Variants in SPAG9 observed in about 807,000 individuals in gnomAD.
SPAG9 encodes the protein sperm associated antigen 9, also known as C-Jun-amino-terminal kinase-interacting protein 4.
A neutral mutation model predicts 166.5 loss-of-function variants in SPAG9; 35 were observed. That is an observed-to-expected ratio of 0.21 (90% confidence interval 0.16 to 0.28). The LOEUF is 0.28. SPAG9 is among the 10% of genes least tolerant of loss of function. The probability of loss-of-function intolerance (pLI) is 1.00; values close to 1 mark genes in which losing one functional copy is unlikely to be tolerated. For missense variants in SPAG9, 1,235 were observed against 1,603.3 expected, an observed-to-expected ratio of 0.77 and a Z score of 3.92; for synonymous variants, 534 against 565.5, an observed-to-expected ratio of 0.94 and a Z score of 0.79.
At chr17:51,053,852 A>ATATATATATAT (rs1276804629) in intron 3 of SPAG9, among the ~76,000 whole-genome samples, 3 of 49,326 alleles carry the variant, frequency 6.1e-5, no homozygotes, top group African/African-American at 1.1e-4. Flanking sequence ...AAAAAAAAAA[A>ATATATATATAT]AAGTATATAT....
intron 1 of SPAG9, among the ~76,000 whole-genome samples, chr17:51,111,855 G>A (rs1025628303): frequency 4.6e-5 from 7 of 151,972 alleles, no homozygotes; most frequent in African/African-American, 1.2e-4. Context: ...CCACCACCTC[G>A]GCCTCCCAAA....
chr17:50,966,181 A>G lies in SPAG9; in HGVS notation c.*91T>C. 1.2e-6 allele frequency: 1 copy of G among 826,278 alleles called. No homozygotes were observed. The highest frequency in any genetic ancestry group is 2.1e-6 in the Non-Finnish European group (1 of 475,096). 51.2% of individuals were successfully genotyped at this position (826,278 alleles called of 1,614,324 possible). The stretch of plus-strand genomic sequence containing the variant: ...GCTCACACATTATGTGGTGAAACTT[A>G]TCTCACAAAAGAGCATTAAATAAAA... On this transcript the variant is annotated 3_prime_UTR_variant, in exon 30 of 30. Transcript: ENST00000262013.
rs2045885601 is a variant in SPAG9, at chr17:51,020,173, T to C, written c.1077A>G (p.Gly359=). The change falls in exon 8 of 30, where the codon GGA becomes GGG. Residue 359 remains glycine, a synonymous_variant. Coordinates refer to ENST00000262013, the MANE Select transcript of SPAG9 (RefSeq NM_001130528.3). ...ATTTATGTTACCTTGAACCTTTATATCCACTGAGATCTTTGTCCATATCCA... is the reference window on the plus strand; with the variant it reads ...ATTTATGTTACCTTGAACCTTTATACCCACTGAGATCTTTGTCCATATCCA... ...PELDMDKDLS[G]YKGSSTPTKG... The C allele has an allele frequency of 1.9e-6, 3 of 1,608,054 alleles. No homozygotes were observed. The highest frequency in any genetic ancestry group is 1.7e-5 in the Admixed American group (1 of 59,986).
In SPAG9 at chr17:51,027,565, T is replaced by C. The variant is rs541925401; in HGVS notation, c.783+4116A>G. Among the ~76,000 whole-genome samples, 33 of 152,318 alleles carry C rather than the reference T, an allele frequency of 2.2e-4. No homozygotes were observed. In the South Asian group the frequency reaches 6.6e-3, roughly 31 times the overall value. On this transcript the variant is annotated intron_variant, in intron 6 of 29. Coordinates refer to ENST00000262013, the MANE Select transcript of SPAG9 (RefSeq NM_001130528.3). ...ACATTTTGGTCAATAATAGACAGCA[T>C]ACAGCATATATAGTGGTGGTCCCAT...
At chr17:51,067,129 T>C (rs2047695419) in intron 2 of SPAG9, among the ~76,000 whole-genome samples, 1 of 152,158 alleles carries the variant, frequency 6.6e-6, no homozygotes, top group Non-Finnish European at 1.5e-5. Context: ...GATCATATAA[T>C]ACATAGAAAA....
rs71149342 is a variant in SPAG9 at position 51,089,663 on chromosome 17, T to TAC, written c.304-9961_304-9960dup. ...ATATATATATATATATATATATATA[T>TAC]ACACATACACACACACACTTTCTTT... is the stretch of plus-strand genomic sequence containing the variant. On this transcript the variant is annotated intron_variant, in intron 1 of 29. Coordinates refer to ENST00000262013, the MANE Select transcript of SPAG9 (RefSeq NM_001130528.3). Among the ~76,000 whole-genome samples, 149 of 78,268 alleles carry TAC rather than the reference T, an allele frequency of 1.9e-3. 1 individual carries two copies. The highest frequency in any genetic ancestry group is 3.1e-3 in the African/African-American group (71 of 22,604). 51.3% of individuals were successfully genotyped at this position (78,268 alleles called of 152,430 possible). A position where few individuals can be genotyped will look rare whatever the true frequency, so the allele number is the denominator to read the frequency against.
chr17:51,116,800 A>C (rs561128111), intron 1 of SPAG9, among the ~76,000 whole-genome samples: 1 of 152,364 alleles, frequency 6.6e-6, no homozygotes, highest in East Asian at 1.9e-4. Context: ...TTTTAAAATA[A>C]ATTATTCAAT....
intron 26 of SPAG9, among the ~76,000 whole-genome samples, chr17:50,977,671 C>T: frequency 6.6e-6 from 1 of 152,160 alleles, no homozygotes. Context: ...GGGATGACTG[C>T]TTGATCCCAG....
chr17:51,023,228 T>G (rs2046012700), intron 6 of SPAG9: 3 of 147,924 alleles, frequency 2.0e-5, no homozygotes, highest in African/African-American at 7.3e-5. Context: ...ATTATATATT[T>G]TTATAATTTA....
intron 19 of SPAG9, among the ~76,000 whole-genome samples, chr17:50,991,861 T>C (rs1252902951): frequency 6.7e-6 from 1 of 149,580 alleles, no homozygotes; most frequent in African/African-American, 2.5e-5. Context: ...TGACCTCAGG[T>C]GATCCGCCCA....
At chr17:51,089,602 A>G (rs1384975647) in intron 1 of SPAG9, among the ~76,000 whole-genome samples, 1 of 130,140 alleles carries the variant, frequency 7.7e-6, no homozygotes, top group Non-Finnish European at 1.6e-5. Context: ...TATTATATGT[A>G]TATATATACA....
intron 3 of SPAG9, among the ~76,000 whole-genome samples, chr17:51,050,896 C>T (rs2047160491): frequency 6.7e-6 from 1 of 150,276 alleles, no homozygotes; most frequent in Non-Finnish European, 1.5e-5. Flanking sequence ...TTAATTCACA[C>T]ATTCAGGAGT....
At chr17:51,017,519 T>TGAGA (rs60839678) in intron 8 of SPAG9, among the ~76,000 whole-genome samples, 417 of 147,460 alleles carry the variant, frequency 2.8e-3, no homozygotes, top group South Asian at 7.4e-3. Flanking sequence ...AGAACCTGTC[T>TGAGA]GAGAGAGAGA....
chr17:51,052,340 T>A (rs994283039), intron 3 of SPAG9, among the ~76,000 whole-genome samples: 2 of 152,154 alleles, frequency 1.3e-5, no homozygotes, highest in African/African-American at 4.8e-5. Context: ...AGAACAGATG[T>A]ATAAACAGAA....
rs554805169 is a variant in SPAG9 at position 50,978,760 on chromosome 17, G to C, written c.3409+986C>G. Among the ~76,000 whole-genome samples the C allele has an allele frequency of 2.0e-4, 31 of 152,280 alleles. 1 individual carries two copies. The South Asian group carries it at 5.2e-3, about 25-fold the overall frequency. On this transcript the variant is annotated intron_variant, in intron 26 of 29. Coordinates refer to ENST00000262013, the MANE Select transcript of SPAG9 (RefSeq NM_001130528.3). ...CATGTGAGGACCCTGAAATGGGAAGGAGCTTGCTGAGCTGTGGGTCGGTAT... is the reference window on the plus strand; with the variant it reads ...CATGTGAGGACCCTGAAATGGGAAGCAGCTTGCTGAGCTGTGGGTCGGTAT...
intron 2 of SPAG9, among the ~76,000 whole-genome samples, chr17:51,064,863 T>C (rs1042384858): frequency 2.0e-5 from 3 of 152,198 alleles, no homozygotes; most frequent in Non-Finnish European, 2.9e-5. Context: ...GGCTCAGGCC[T>C]GTAATCCCAG....
chr17:50,973,311 G>A (rs56041952), intron 28 of SPAG9, among the ~76,000 whole-genome samples: 10,346 of 152,240 alleles, frequency 0.068, 382 homozygotes, highest in Non-Finnish European at 0.086. Context: ...AGAGGAAAAG[G>A]AGAGGAGAAT....
chr17:51,037,683 ATAGTGT>A (rs1490272982), intron 5 of SPAG9, among the ~76,000 whole-genome samples: 65 of 101,878 alleles, frequency 6.4e-4, no homozygotes, highest in South Asian at 1.2e-3. Context: ...ATATATATAT[ATAGTGT>A]GTGTGTGTGT....
At chr17:51,005,991 TG>T (rs1195137547) in intron 11 of SPAG9, 93 bp downstream of exon 11, 4 of 1,418,978 alleles carry the variant, frequency 2.8e-6, no homozygotes, top group Non-Finnish European at 3.9e-6. Flanking sequence ...CAGGCTTGAG[TG>T]GACAGAAGGT....
Sources: allele counts gnomAD v4.1 joint callset (sites outside exome capture counted in the v4.1 genomes callset), GRCh38; gene constraint gnomAD v4.1.1; transcripts MANE v1.5; gene names NCBI Gene and HGNC (gene_info 2026-07-23, HGNC 2026-07-21).